Variants in TEX14 observed in about 807,000 individuals in gnomAD.
TEX14 encodes the protein inactive serine/threonine-protein kinase TEX14.
A neutral mutation model predicts 178.6 loss-of-function variants in TEX14; 168 were observed. The observed-to-expected ratio is 0.94, with a 90% CI of 0.83 to 1.07. TEX14 has a LOEUF of 1.07. TEX14 is among the 50% of genes least tolerant of loss of function. The pLI, the probability that TEX14 is intolerant of heterozygous loss-of-function variation, is 0.00. For missense variants in TEX14, 1,730 were observed against 1,753.6 expected (o/e 0.99, Z 0.24); for synonymous variants, 626 against 634.1 (o/e 0.99, Z 0.19).
chr17:58,560,342 A>G (rs888724360), intron 29 of TEX14, among the ~76,000 whole-genome samples: 13 of 152,184 alleles, frequency 8.5e-5, no homozygotes, highest in South Asian at 2.1e-4. Flanking sequence ...TTTCCCACTA[A>G]TAGAATCACA....
At chr17:58,607,780 C>A (rs2045644351) in intron 10 of TEX14, among the ~76,000 whole-genome samples, 1 of 152,222 alleles carries the variant, frequency 6.6e-6, no homozygotes, top group Non-Finnish European at 1.5e-5. Context: ...AGAGGTCAAC[C>A]CTGCTCTGAA....
chr17:58,631,219 T>C (rs772908725), intron 2 of TEX14: 109 of 844,900 alleles, frequency 1.3e-4, no homozygotes, highest in Non-Finnish European at 3.8e-5. Flanking sequence ...GCCAGCTCTT[T>C]GGGAAGCCGA....
chr17:58,635,004 C>T (rs1222067136), intron 2 of TEX14, among the ~76,000 whole-genome samples: 9 of 151,732 alleles, frequency 5.9e-5, no homozygotes, highest in Admixed American at 1.3e-4. Context: ...TGGTGGCGGG[C>T]GCCTGTAATA....
At chr17:58,573,449 C>T (rs1023332762) in intron 22 of TEX14, 141 bp from the exon 23 acceptor site, 1 of 709,378 alleles carries the variant, frequency 1.4e-6, no homozygotes, top group African/African-American at 1.8e-5. Context: ...TATCTTAGAA[C>T]ATCTTATGTA....
chr17:58,578,517 G>A lies in TEX14; in HGVS notation c.3239-1061C>T, dbSNP rs1299879986. 2.0e-5 allele frequency among the ~76,000 whole-genome samples: 3 copies of A among 152,190 alleles called. No homozygotes were observed. The South Asian group carries it at 6.2e-4, about 32-fold the overall frequency. On this transcript the variant is annotated intron_variant, in intron 20 of 31. Coordinates refer to ENST00000349033, the MANE Select transcript of TEX14 (RefSeq NM_031272.5). ...GGGGATATATATCAGAACAGTAGAA[G>A]GAAAAGGGGGCAGAGAGGGGCAGAA...
At chr17:58,666,025 G>T (rs1372764975) in intron 1 of TEX14, among the ~76,000 whole-genome samples, 1 of 151,234 alleles carries the variant, frequency 6.6e-6, no homozygotes, top group African/African-American at 2.4e-5. Flanking sequence ...CTCCAGCCTG[G>T]GAGACGGCGA....
Position 58,571,985 on chromosome 17 carries a change from C to T in TEX14, c.3653G>A (p.Arg1218Lys). The T allele has an allele frequency of 1.2e-6, 2 of 1,614,148 alleles. No individual in the cohort carries two copies. The highest frequency in any genetic ancestry group is 1.7e-6 in the Non-Finnish European group (2 of 1,180,016). Reference protein sequence around the residue: ...LSDDFISVRERAKKLDSLLTS... With the variant: ...LSDDFISVREKAKKLDSLLTS... ...AAGGAGAGAATCCAGTTTCTTTGCT[C>T]TCTCTCGGACACTTATAAAGTCATC... Residue 1218 changes from arginine (R) to lysine (K), a missense_variant, in exon 24 of 32, where the codon AGA becomes AAA. Physicochemically the swap from Arg to Lys is conservative, Grantham distance 26 (BLOSUM62 2). Around this residue, in one of 2 missense-constraint regions of TEX14, gnomAD observed 941 missense variants for 1,072.4 expected, o/e 0.88. Coordinates refer to ENST00000349033, the MANE Select transcript of TEX14 (RefSeq NM_031272.5).
At chr17:58,589,390 G>A (rs2045065442) in intron 15 of TEX14, among the ~76,000 whole-genome samples, 1 of 148,058 alleles carries the variant, frequency 6.8e-6, no homozygotes. Context: ...GTGAAACCCC[G>A]TATCTCCTAA....
chr17:58,620,547 G>A (rs2045974468), intron 5 of TEX14, among the ~76,000 whole-genome samples: 1 of 151,946 alleles, frequency 6.6e-6, no homozygotes, highest in Non-Finnish European at 1.5e-5. Flanking sequence ...AGGCTGGAGT[G>A]CAGTGGTGCG....
intron 1 of TEX14, among the ~76,000 whole-genome samples, chr17:58,665,269 A>G (rs1399269700): frequency 3.3e-5 from 5 of 151,728 alleles, no homozygotes; most frequent in African/African-American, 1.2e-4. Flanking sequence ...TGGGATTACA[A>G]GCATGAGTCA....
rs540724077 is a variant in TEX14, at chr17:58,633,672, C to CA, written c.137-3119dup. Among the ~76,000 whole-genome samples, 184 of 152,094 alleles carry CA rather than the reference C, an allele frequency of 1.2e-3. 1 individual carries two copies. Among genetic ancestry groups the CA allele is most frequent in the African/African-American group, 4.2e-3 (175 of 41,510 alleles). On this transcript the variant is annotated intron_variant, in intron 2 of 31. Coordinates refer to ENST00000349033, the MANE Select transcript of TEX14 (RefSeq NM_031272.5). ...AAACCCCATCTCTACTATAAAAACA[C>CA]AAAAATTAGCCGGGGGCCGGGCGCA...
rs2044960333 is a variant in TEX14, at chr17:58,585,983, T to C, written c.2888A>G (p.Asn963Ser). 1.2e-6 allele frequency: 2 copies of C among 1,613,962 alleles called. No individual in the cohort carries two copies. Among genetic ancestry groups the C allele is most frequent in the Admixed American group, 1.7e-5 (1 of 59,994 alleles). Residue 963 changes from asparagine (N) to serine (S), a missense_variant, in exon 18 of 32, where the codon AAT (asparagine) becomes AGT (serine). By Grantham distance (46) the Asn-to-Ser change is conservative. Coordinates refer to ENST00000349033, the MANE Select transcript of TEX14 (RefSeq NM_031272.5). ...SSLTLESEAE[N>S]EPDALLQPPI... Reference sequence around the variant, plus strand: ...GGGCTGCAGCAGGGCGTCGGGCTCATTTTCAGCCTCGCTCTCTAAAGTCAG... The same window carrying C: ...GGGCTGCAGCAGGGCGTCGGGCTCACTTTCAGCCTCGCTCTCTAAAGTCAG...
chr17:58,608,137 G>A (rs535947191), intron 10 of TEX14, among the ~76,000 whole-genome samples: 1 of 152,120 alleles, frequency 6.6e-6, no homozygotes, highest in Admixed American at 6.6e-5. Flanking sequence ...ACAAAAATTG[G>A]CTGGGCGCAG....
At chr17:58,564,019 AAG>A (rs1193605937) in intron 28 of TEX14, 2 of 151,998 alleles carry the variant, frequency 1.3e-5, no homozygotes, top group African/African-American at 2.4e-5. Flanking sequence ...CCCCCACAAA[AAG>A]AGAGAGAAAA....
chr17:58,584,972 T>C (rs1415692317), intron 18 of TEX14, among the ~76,000 whole-genome samples: 1 of 152,110 alleles, frequency 6.6e-6, no homozygotes, highest in Non-Finnish European at 1.5e-5. Flanking sequence ...CAACTGAAAA[T>C]ATACAGCCTT....
chr17:58,638,861 T>C (rs2046502734), intron 2 of TEX14, among the ~76,000 whole-genome samples: 1 of 140,392 alleles, frequency 7.1e-6, no homozygotes, highest in Non-Finnish European at 1.5e-5. Context: ...ATTCTTTTTT[T>C]TTTTTTTTTT....
intron 15 of TEX14, among the ~76,000 whole-genome samples, chr17:58,592,053 A>T (rs1207290579): frequency 6.6e-6 from 1 of 151,574 alleles, no homozygotes; most frequent in Admixed American, 6.6e-5. Context: ...ACAAGAGTGA[A>T]ACTCCATCTC....
In TEX14 at chr17:58,630,446, G is replaced by A. The variant is rs1177234497; in HGVS notation, c.245C>T (p.Pro82Leu). The A allele has an allele frequency of 3.7e-6, 6 of 1,605,836 alleles. No individual in the cohort carries two copies. The highest frequency in any genetic ancestry group is 1.3e-5 in the African/African-American group (1 of 74,718). ...TCAATATTATTGTACTTACTGATTT[G>A]GATCTGATCCATAATCCACCAGAAC... ...VDVLVDYGSD[P>L]NHRCFDGSTP... The change falls in exon 3 of 32, where the codon CCA becomes CTA. Residue 82 changes from proline to leucine, a missense_variant. Coordinates refer to ENST00000349033, the MANE Select transcript of TEX14 (RefSeq NM_031272.5).
rs983001202 is a variant in TEX14 at position 58,564,985 on chromosome 17, G to T, written c.3965-17C>A. ...GCCTTTGATCTAAAAACAGTTGAAA[G>T]AATTAACTTTATTAGAACGAAAAAA... On this transcript the variant is annotated splice_polypyrimidine_tract_variant and intron_variant, in intron 27 of 31. Transcript: ENST00000349033. The T allele has an allele frequency of 6.7e-7, 1 of 1,489,072 alleles. No homozygotes were observed. The highest frequency in any genetic ancestry group is 9.2e-7 in the Non-Finnish European group (1 of 1,088,386). The allele number at this position is 1,489,072 out of a possible 1,614,324, so 92.2% of individuals were successfully genotyped here.
Sources: gnomAD v4.1 joint callset for allele counts (sites outside exome capture counted in the v4.1 genomes callset) on GRCh38, gnomAD v4.1.1 for gene constraint, gnomAD v4.1.1 regional missense constraint, MANE v1.5 for transcripts, NCBI Gene and HGNC (gene_info 2026-07-23, HGNC 2026-07-21) for gene names.